ZNF334: variants seen among roughly 807,000 people sequenced by gnomAD.
ZNF334 encodes the protein zinc finger protein 334.
Under a neutral mutation model 12.4 loss-of-function variants are expected in ZNF334, and 14 were observed. The observed-to-expected ratio is 1.13, with a 90% CI of 0.74 to 1.76. The LOEUF is 1.76. Among genes scored for constraint, ZNF334 ranks in the 40% most tolerant of loss-of-function variants. The probability of loss-of-function intolerance (pLI) is 0.00; values close to 1 mark genes in which losing one functional copy is unlikely to be tolerated. For missense variants in ZNF334, 797 were observed against 804.5 expected (o/e 0.99, Z 0.11); for synonymous variants, 273 against 269.6 (o/e 1.01, Z -0.12).
chr20:46,503,102 A>G lies in ZNF334; in HGVS notation c.242-5T>C, dbSNP rs2061309309. The G allele has an allele frequency of 6.3e-7, 1 of 1,581,454 alleles. No individual in the cohort carries two copies. Among genetic ancestry groups the G allele is most frequent in the Non-Finnish European group, 8.6e-7 (1 of 1,166,214 alleles). On this transcript the variant is annotated splice_region_variant and splice_polypyrimidine_tract_variant and intron_variant, in intron 4 of 4. Transcript: ENST00000692313. Reference sequence around the variant, plus strand: ...TCTCTAAGGCATCATCAATGTCTAGAAAAAGGAACACAATTAACGGTAATT... The same window carrying G: ...TCTCTAAGGCATCATCAATGTCTAGGAAAAGGAACACAATTAACGGTAATT...
chr20:46,481,844 A>G, the ZNF334 span, among the ~76,000 whole-genome samples: 1 of 152,178 alleles, frequency 6.6e-6, no homozygotes, highest in Non-Finnish European at 1.5e-5. Context: ...AGAATGAACA[A>G]TCTCCCCCAC....
Position 46,500,910 on chromosome 20 carries a change from T to C in ZNF334, c.*386A>G. 5.4e-6 allele frequency: 1 copy of C among 186,770 alleles called. No homozygotes were observed. Among genetic ancestry groups the C allele is most frequent in the Non-Finnish European group, 1.1e-5 (1 of 88,462 alleles). The allele number at this position is 186,770 out of a possible 1,614,324, so 11.6% of individuals were successfully genotyped here. A position where few individuals can be genotyped will look rare whatever the true frequency, so the allele number is the denominator to read the frequency against. ...TGAGAAACTGTAACTTACTCAACTA[T>C]CAAACAATGGTATTGATTTGAAATG... On this transcript the variant is annotated 3_prime_UTR_variant, in exon 5 of 5. Coordinates refer to ENST00000692313, the MANE Select transcript of ZNF334 (RefSeq NM_001353824.2).
the ZNF334 span, among the ~76,000 whole-genome samples, chr20:46,472,274 C>G: frequency 1.3e-5 from 2 of 152,162 alleles, no homozygotes; most frequent in Non-Finnish European, 2.9e-5. Context: ...CCTGAGGAGA[C>G]AGCAGTGAAC....
At chr20:46,509,013 G>A (rs1335330190) in intron 2 of ZNF334, among the ~76,000 whole-genome samples, 2 of 152,144 alleles carry the variant, frequency 1.3e-5, no homozygotes, top group Non-Finnish European at 2.9e-5. Context: ...GCTATGTACA[G>A]TATTTGAATC....
At chr20:46,494,732 C>T (rs148248641), downstream of ZNF334, among the ~76,000 whole-genome samples, 94 of 152,292 alleles carry the variant, frequency 6.2e-4, no homozygotes, top group African/African-American at 1.8e-3. Context: ...TCCAACACAG[C>T]TCCTATCAGG....
chr20:46,491,514 T>G, the ZNF334 span: 14,484 of 153,160 alleles, frequency 0.095, 773 homozygotes, highest in South Asian at 0.15. Flanking sequence ...GAGAAATCCT[T>G]TAAAAGCATC....
At chr20:46,487,590 T>C in the ZNF334 span, among the ~76,000 whole-genome samples, 6 of 152,222 alleles carry the variant, frequency 3.9e-5, no homozygotes, top group Admixed American at 3.3e-4. Context: ...TCAAGTATTT[T>C]GAAGCTCTGT....
At chr20:46,494,156 T>G in the ZNF334 span, among the ~76,000 whole-genome samples, 2 of 152,240 alleles carry the variant, frequency 1.3e-5, no homozygotes, top group Non-Finnish European at 2.9e-5. Context: ...AACACTAGCA[T>G]GTAATACTGA....
At chr20:46,488,444 A>T in the ZNF334 span, among the ~76,000 whole-genome samples, 203 of 83,648 alleles carry the variant, frequency 2.4e-3, no homozygotes, top group African/African-American at 8.6e-3. Flanking sequence ...TATATATATA[A>T]ATACCATAAT....
intron 2 of ZNF334, among the ~76,000 whole-genome samples, chr20:46,506,817 T>C (rs1601050772): frequency 6.6e-6 from 1 of 152,042 alleles, no homozygotes; most frequent in African/African-American, 2.4e-5. Flanking sequence ...TTTTGATTCT[T>C]AGAACTATGG....
chr20:46,473,905 A>G, the ZNF334 span, among the ~76,000 whole-genome samples: 2 of 152,252 alleles, frequency 1.3e-5, no homozygotes, highest in Non-Finnish European at 1.5e-5. Context: ...GTGATTGTAT[A>G]TTGGGATTGT....
the ZNF334 span, among the ~76,000 whole-genome samples, chr20:46,470,074 C>T: frequency 6.6e-6 from 1 of 152,054 alleles, no homozygotes; most frequent in Non-Finnish European, 1.5e-5. Flanking sequence ...AGGACAATAC[C>T]CACCTAATAA....
At chr20:46,510,597 G>A (rs1203454884) in intron 2 of ZNF334, among the ~76,000 whole-genome samples, 1 of 151,828 alleles carries the variant, frequency 6.6e-6, no homozygotes, top group Non-Finnish European at 1.5e-5. Flanking sequence ...GTGGTGGCGG[G>A]TGCCTGTAGT....
intron 4 of ZNF334, among the ~76,000 whole-genome samples, chr20:46,503,913 G>A (rs972080395): frequency 2.6e-5 from 4 of 152,220 alleles, no homozygotes; most frequent in African/African-American, 4.8e-5. Flanking sequence ...ACAATGGTGG[G>A]TGGGGCAAGG....
At chr20:46,465,268 A>T in the ZNF334 span, 2 of 172,562 alleles carry the variant, frequency 1.2e-5, no homozygotes, top group East Asian at 3.7e-4. Flanking sequence ...TGCAGCCTCC[A>T]CTGTTACTGT....
downstream of ZNF334, among the ~76,000 whole-genome samples, chr20:46,497,429 A>G (rs954393830): frequency 1.1e-4 from 17 of 152,264 alleles, no homozygotes; most frequent in African/African-American, 4.1e-4. Context: ...ACATATAATA[A>G]TTCAGAGACT....
the ZNF334 span, among the ~76,000 whole-genome samples, chr20:46,479,398 T>C: frequency 5.3e-5 from 8 of 152,024 alleles, no homozygotes; most frequent in Non-Finnish European, 8.8e-5. Flanking sequence ...AAAATGAAAT[T>C]CACAATCATC....
Position 46,512,697 on chromosome 20 carries a change from C to T in ZNF334, c.-196G>A, listed in dbSNP as rs1035866237. ...CTAAGAAACTTCTTGTGGTAGGTAA[C>T]GTAAATGTGGTAGATGACAAAAGCC... On this transcript the variant is annotated 5_prime_UTR_variant, in exon 1 of 5. Coordinates refer to ENST00000692313, the MANE Select transcript of ZNF334 (RefSeq NM_001353824.2). The T allele has an allele frequency of 3.9e-5, 6 of 152,172 alleles. No homozygotes were observed. The highest frequency in any genetic ancestry group is 1.4e-4 in the African/African-American group (6 of 41,408). The allele number at this position is 152,172 out of a possible 1,614,324, so 9.4% of individuals were successfully genotyped here.
chr20:46,464,085 G>C, the ZNF334 span: 1 of 615,854 alleles, frequency 1.6e-6, no homozygotes, highest in Admixed American at 1.9e-5. Flanking sequence ...GCTCCGAGAA[G>C]TGGTTCCTTC....
Sources: gnomAD v4.1 joint callset for allele counts (sites outside exome capture counted in the v4.1 genomes callset) on GRCh38, gnomAD v4.1.1 for gene constraint, MANE v1.5 for transcripts, NCBI Gene and HGNC (gene_info 2026-07-23, HGNC 2026-07-21) for gene names.